The following DST variants were observed in gnomAD, a reference collection of about 807,000 sequenced individuals.
DST encodes the protein dystonin.
A neutral mutation model predicts 875.2 loss-of-function variants in DST; 253 were observed. The observed-to-expected ratio is 0.29, with a 90% CI of 0.26 to 0.32. The LOEUF is 0.32. Among genes scored for constraint, DST ranks in the 10% least tolerant of loss-of-function variants. The probability of loss-of-function intolerance (pLI) is 1.00; values close to 1 mark genes in which losing one functional copy is unlikely to be tolerated. For synonymous variants in DST, 3,124 were observed against 3,197.1 expected (o/e 0.98, Z 0.77); for missense variants, 8,287 against 9,111.6 (o/e 0.91, Z 3.68).
chr6:56,764,920 G>A (rs1255348227), intron 4 of DST, among the ~76,000 whole-genome samples: 1 of 145,792 alleles, frequency 6.9e-6, no homozygotes, highest in African/African-American at 2.5e-5. Context: ...TCATGCCATT[G>A]CACTGCAGCC....
At chr6:56,573,165 A>G (rs2097802451) in intron 51 of DST, 101 bp from the exon 52 acceptor site, 10 of 1,032,830 alleles carry the variant, frequency 9.7e-6, no homozygotes, top group South Asian at 1.9e-5. Context: ...AGCTTGCACA[A>G]CCTGTGCCTA....
rs1336005347 is a variant in DST, at chr6:56,651,263, T to C, written c.1215-19A>G. 1.3e-6 allele frequency: 2 copies of C among 1,507,622 alleles called. No homozygotes were observed. The highest frequency in any genetic ancestry group is 1.8e-6 in the Non-Finnish European group (2 of 1,101,876). 93.4% of individuals were successfully genotyped at this position (1,507,622 alleles called of 1,614,324 possible). A position where few individuals can be genotyped will look rare whatever the true frequency, so the allele number is the denominator to read the frequency against. On this transcript the variant is annotated intron_variant, in intron 10 of 103. Coordinates refer to ENST00000680361, the MANE Select transcript of DST (RefSeq NM_001374736.1). ...GTCCGGCCTAGGAAAAAATTCACTG[T>C]GTTAATTAGGTTTTCTCATGTGCCA...
At chr6:56,765,754 G>A (rs2099631769) in intron 4 of DST, among the ~76,000 whole-genome samples, 1 of 152,198 alleles carries the variant, frequency 6.6e-6, no homozygotes, top group South Asian at 2.1e-4. Flanking sequence ...AGTCTCCAAA[G>A]ATTTTACTCA....
Position 56,592,211 on chromosome 6 carries a change from T to G in DST, c.12874A>C (p.Asn4292His). ...GTCTCTTCTAATTGCCTTTGAAGAT[T>G]TTTGGGGTCCACCGCAATAGGTTCA... Reference protein sequence around the residue: ...LSEPIAVDPKNLQRQLEETKA... With the variant: ...LSEPIAVDPKHLQRQLEETKA... The change falls in exon 49 of 104, where the codon AAT (asparagine) becomes CAT (histidine). Residue 4292 changes from asparagine (N) to histidine (H), a missense_variant. Asn to His is a moderately conservative substitution (Grantham distance 68). Around this residue, in one of 10 missense-constraint regions of DST, gnomAD observed 1,513 missense variants for 1,677.8 expected, o/e 0.90. Coordinates refer to ENST00000680361, the MANE Select transcript of DST (RefSeq NM_001374736.1). 1 of 1,613,650 alleles carries G rather than the reference T, an allele frequency of 6.2e-7. No individual in the cohort carries two copies. Among genetic ancestry groups the G allele is most frequent in the Non-Finnish European group, 8.5e-7 (1 of 1,179,786 alleles).
In DST at chr6:56,469,863, A is replaced by G. The variant is rs2094795647; in HGVS notation, c.22551+20T>C. ...ATTTATGTCCTTTAAAGGAACTACAACATTACTTTGAAAACTTACCCTGTA... is the reference window on the plus strand; with the variant it reads ...ATTTATGTCCTTTAAAGGAACTACAGCATTACTTTGAAAACTTACCCTGTA... On this transcript the variant is annotated intron_variant, in intron 97 of 103. Transcript: ENST00000680361. 2.5e-6 allele frequency: 4 copies of G among 1,598,572 alleles called. No individual in the cohort carries two copies. Among genetic ancestry groups the G allele is most frequent in the Non-Finnish European group, 3.4e-6 (4 of 1,165,994 alleles).
At chr6:56,729,175 TAC>T (rs2099485943) in intron 5 of DST, among the ~76,000 whole-genome samples, 1 of 152,216 alleles carries the variant, frequency 6.6e-6, no homozygotes, top group Non-Finnish European at 1.5e-5. Flanking sequence ...GTTTAGGAAC[TAC>T]TAACATAAAT....
Position 56,616,861 on chromosome 6 carries a change from G to A in DST, c.4930-2377C>T, listed in dbSNP as rs771032986. ...CCTCAAGAAGCCTAATTCTGAATTC[G>A]GGGTCAACAACTCCTTTAAGAACTG... is the stretch of plus-strand genomic sequence containing the variant. On this transcript the variant is annotated intron_variant, in intron 36 of 103. Transcript: ENST00000680361. The A allele has an allele frequency of 3.2e-5, 52 of 1,613,846 alleles. No individual in the cohort carries two copies. Among genetic ancestry groups the A allele is most frequent in the African/African-American group, 6.7e-5 (5 of 74,886 alleles).
chr6:56,895,020 C>T (rs1202027520), intron 3 of DST, among the ~76,000 whole-genome samples: 1 of 109,752 alleles, frequency 9.1e-6, no homozygotes, highest in Non-Finnish European at 1.8e-5. Flanking sequence ...GGCGGCTGGC[C>T]GGGCGGGGGG....
chr6:56,954,193 C>G (rs1277546437), intron 1 of DST, among the ~76,000 whole-genome samples: 2 of 152,212 alleles, frequency 1.3e-5, no homozygotes, highest in East Asian at 3.9e-4. Flanking sequence ...CCTCCCTGCC[C>G]TCGGCATCGC....
intron 59 of DST, 52 bp downstream of exon 59, chr6:56,557,267 T>C: frequency 6.6e-7 from 1 of 1,523,212 alleles, no homozygotes. Context: ...AACATTGGTC[T>C]CAGTAAGTCA....
At chr6:56,591,600 G>A (rs1257080509) in intron 49 of DST, among the ~76,000 whole-genome samples, 1 of 152,126 alleles carries the variant, frequency 6.6e-6, no homozygotes, top group Non-Finnish European at 1.5e-5. Context: ...ATAAATAAGT[G>A]GCCAGGAAAA....
intron 4 of DST, among the ~76,000 whole-genome samples, chr6:56,762,844 CTTTTTTTTTT>C (rs869153143): frequency 8.9e-6 from 1 of 111,898 alleles, no homozygotes; most frequent in East Asian, 2.4e-4. Flanking sequence ...AGAACACCAC[CTTTTTTTTTT>C]TTTTTTTTTT....
intron 36 of DST, among the ~76,000 whole-genome samples, chr6:56,622,223 CAG>C (rs2098696057): frequency 6.6e-6 from 1 of 152,036 alleles, no homozygotes; most frequent in African/African-American, 2.4e-5. Context: ...AAAATTCCCT[CAG>C]AAAAAAATAT....
chr6:56,843,573 C>T (rs913441625), intron 4 of DST: 8 of 983,888 alleles, frequency 8.1e-6, no homozygotes, highest in African/African-American at 5.3e-5. Flanking sequence ...TGCTTCGGGC[C>T]GGGCCGAGGC....
intron 63 of DST, among the ~76,000 whole-genome samples, chr6:56,533,753 T>C (rs1349760068): frequency 6.6e-6 from 1 of 152,222 alleles, no homozygotes; most frequent in Non-Finnish European, 1.5e-5. Flanking sequence ...AAATGCAATG[T>C]GTTTCCAGTT....
At chr6:56,715,475 T>C (rs1019926520) in intron 5 of DST, among the ~76,000 whole-genome samples, 4 of 152,196 alleles carry the variant, frequency 2.6e-5, no homozygotes, top group Non-Finnish European at 5.9e-5. Context: ...CTTTAGAAGT[T>C]GCCTAACTTT....
Position 56,515,590 on chromosome 6 carries a change from C to T in DST, c.18436G>A (p.Ala6146Thr). The change falls in exon 72 of 104, where the codon GCA (alanine) becomes ACA (threonine). Residue 6146 changes from alanine (A) to threonine (T), a missense_variant. Ala to Thr is a moderately conservative substitution (Grantham distance 58). Coordinates refer to ENST00000680361, the MANE Select transcript of DST (RefSeq NM_001374736.1). ...CAGAATTGGTTAACCAGGGACTGTGCCCGTTCCAGCTGCAGATACCTTTCT... is the reference window on the plus strand; with the variant it reads ...CAGAATTGGTTAACCAGGGACTGTGTCCGTTCCAGCTGCAGATACCTTTCT... Reference protein sequence around the residue: ...NSERYLQLERAQSLVNQFWET... With the variant: ...NSERYLQLERTQSLVNQFWET... The T allele has an allele frequency of 6.2e-7, 1 of 1,613,756 alleles. No individual in the cohort carries two copies. Among genetic ancestry groups the T allele is most frequent in the Non-Finnish European group, 8.5e-7 (1 of 1,179,788 alleles).
chr6:56,917,729 T>G (rs1288567441), intron 2 of DST, among the ~76,000 whole-genome samples: 1 of 152,214 alleles, frequency 6.6e-6, no homozygotes, highest in East Asian at 1.9e-4. Flanking sequence ...TACCACAGTT[T>G]GACTTATCAT....
chr6:56,529,536 C>T lies in DST; in HGVS notation c.17507G>A (p.Trp5836Ter). The T allele has an allele frequency of 6.2e-7, 1 of 1,613,418 alleles. No homozygotes were observed. The highest frequency in any genetic ancestry group is 8.5e-7 in the Non-Finnish European group (1 of 1,179,576). The change falls in exon 66 of 104, where the codon TGG becomes TAG. Residue 5836 changes from tryptophan to a stop codon, truncating the protein, a stop_gained. Coordinates refer to ENST00000680361, the MANE Select transcript of DST (RefSeq NM_001374736.1). LOFTEE classifies it high-confidence loss of function. Reference sequence around the variant, plus strand: ...CAGTTTGTCATGCACTTCATTCAGCCAGTTCATCAGTTCAACTTCATCTTC... The same window carrying T: ...CAGTTTGTCATGCACTTCATTCAGCTAGTTCATCAGTTCAACTTCATCTTC... ...FGEDEVELMN[W>*]LNEVHDKLSK... is the part of the protein sequence containing the mutation.
Sources: gnomAD v4.1 joint callset for allele counts (sites outside exome capture counted in the v4.1 genomes callset) on GRCh38, gnomAD v4.1.1 for gene constraint, gnomAD v4.1.1 regional missense constraint, MANE v1.5 for transcripts, NCBI Gene and HGNC (gene_info 2026-07-23, HGNC 2026-07-21) for gene names.